The following ANKRD17 variants were observed in gnomAD, a reference collection of about 807,000 sequenced individuals.
ANKRD17 encodes the protein ankyrin repeat domain-containing protein 17.
In ANKRD17, 19 loss-of-function variants were observed where a neutral mutation model predicts 229.7. The ratio of observed to expected loss-of-function variants is 0.08; its 90% CI spans 0.06 to 0.12. The LOEUF is 0.12. ANKRD17 is among the 10% of genes least tolerant of loss of function. The pLI is 1.00. For synonymous variants in ANKRD17, 1,112 were observed against 1,146.1 expected, an observed-to-expected ratio of 0.97 and a Z score of 0.60; for missense variants, 2,176 against 3,176.8, an observed-to-expected ratio of 0.68 and a Z score of 7.57.
In ANKRD17 at chr4:73,162,046, TTC is replaced by T. The variant is rs539882538; in HGVS notation, c.548-700_548-699del. 1.2e-3 allele frequency among the ~76,000 whole-genome samples: 186 copies of T among 151,310 alleles called. 2 individuals carry two copies. The highest frequency in any genetic ancestry group is 4.1e-3 in the East Asian group (21 of 5,118). On this transcript the variant is annotated intron_variant, in intron 2 of 33. Transcript: ENST00000358602. ...TCACACCACCACACTAGGCTGATTT[TTC>T]TCTCTCTCTTTTTTTTTTTTTTTAG...
chr4:73,217,128 A>G (rs1741174004), intron 1 of ANKRD17, among the ~76,000 whole-genome samples: 1 of 152,198 alleles, frequency 6.6e-6, no homozygotes, highest in Admixed American at 6.5e-5. Flanking sequence ...TTTCTAATTA[A>G]TGCTCCATAA....
At position 73,076,300 on chromosome 4, in the gene ANKRD17, T is replaced by C. The variant is rs1415452598; in HGVS notation, c.7753-10A>G. The C allele has an allele frequency of 3.2e-6, 5 of 1,576,654 alleles. No homozygotes were observed. Among genetic ancestry groups the C allele is most frequent in the East Asian group, 4.6e-5 (2 of 43,048 alleles). ...AGGGTCCAGTCCACACCTATGAATATAGAGCATGCATTTTACAAAATATAT... is the reference window on the plus strand; with the variant it reads ...AGGGTCCAGTCCACACCTATGAATACAGAGCATGCATTTTACAAAATATAT... On this transcript the variant is annotated splice_polypyrimidine_tract_variant and intron_variant, in intron 33 of 33. Transcript: ENST00000358602.
chr4:73,138,355 A>G (rs765775493), intron 15 of ANKRD17, among the ~76,000 whole-genome samples: 6 of 152,128 alleles, frequency 3.9e-5, no homozygotes, highest in Non-Finnish European at 8.8e-5. Flanking sequence ...TCCACATGTT[A>G]TAACTACTGA....
intron 24 of ANKRD17, among the ~76,000 whole-genome samples, chr4:73,104,678 T>C (rs1724397736): frequency 6.6e-6 from 1 of 152,002 alleles, no homozygotes; most frequent in Non-Finnish European, 1.5e-5. Flanking sequence ...TCATCCATGA[T>C]GGGTTGTTCA....
chr4:73,104,452 G>C (rs1242631955), intron 24 of ANKRD17, among the ~76,000 whole-genome samples: 1 of 152,206 alleles, frequency 6.6e-6, no homozygotes, highest in African/African-American at 2.4e-5. Context: ...GTATAAGAGG[G>C]AGAGGAGGAG....
intron 1 of ANKRD17, among the ~76,000 whole-genome samples, chr4:73,185,720 C>T (rs751276340): frequency 9.9e-5 from 15 of 151,922 alleles, no homozygotes; most frequent in African/African-American, 2.2e-4. Context: ...AAATGACTTA[C>T]GGCTATCATT....
chr4:73,176,609 A>T (rs768069647), intron 2 of ANKRD17, among the ~76,000 whole-genome samples: 2 of 152,138 alleles, frequency 1.3e-5, no homozygotes, highest in African/African-American at 4.8e-5. Flanking sequence ...AGTATCAAAA[A>T]AAAAAAGTTA....
chr4:73,163,040 T>G (rs537845686), intron 2 of ANKRD17, among the ~76,000 whole-genome samples: 73 of 151,876 alleles, frequency 4.8e-4, no homozygotes, highest in African/African-American at 1.5e-3. Context: ...TTTTTTTTTT[T>G]TTTTTGTTAG....
intron 1 of ANKRD17, among the ~76,000 whole-genome samples, chr4:73,239,135 G>C (rs1328803033): frequency 6.6e-6 from 1 of 152,156 alleles, no homozygotes; most frequent in Non-Finnish European, 1.5e-5. Flanking sequence ...AGTCAACAGA[G>C]AGGGATATCC....
chr4:73,155,932 G>A (rs2148887948), intron 4 of ANKRD17, 87 bp downstream of exon 4: 1 of 1,499,908 alleles, frequency 6.7e-7, no homozygotes, highest in Non-Finnish European at 8.9e-7. Context: ...AATCCTAATG[G>A]TTGGAAGGAT....
At chr4:73,116,219 TG>T (rs1174684136) in intron 22 of ANKRD17, among the ~76,000 whole-genome samples, 1 of 133,922 alleles carries the variant, frequency 7.5e-6, no homozygotes, top group Non-Finnish European at 1.6e-5. Flanking sequence ...TGAAGGGTGG[TG>T]GGGGGTGGGG....
chr4:73,090,273 G>C (rs1050008317), intron 29 of ANKRD17, among the ~76,000 whole-genome samples: 1 of 152,102 alleles, frequency 6.6e-6, no homozygotes, highest in Non-Finnish European at 1.5e-5. Context: ...AGCCAGGCAT[G>C]GTGGTGCACG....
chr4:73,118,658 TC>T (rs768826740), intron 22 of ANKRD17, 29 bp downstream of exon 22: 1 of 1,611,074 alleles, frequency 6.2e-7, no homozygotes, highest in African/African-American at 1.3e-5. Context: ...TAAAAAAACA[TC>T]CAGGTAAATG....
At chr4:73,222,040 T>C (rs1018149141) in intron 1 of ANKRD17, among the ~76,000 whole-genome samples, 1 of 152,188 alleles carries the variant, frequency 6.6e-6, no homozygotes, top group Non-Finnish European at 1.5e-5. Context: ...TTCCTGAAGA[T>C]GTGAAATAGT....
At chr4:73,114,786 G>A (rs1230150967) in intron 23 of ANKRD17, among the ~76,000 whole-genome samples, 1 of 152,150 alleles carries the variant, frequency 6.6e-6, no homozygotes, top group Admixed American at 6.6e-5. Context: ...AAAACTTATA[G>A]GGAAAAGCTG....
chr4:73,245,848 G>A (rs1744450680), intron 1 of ANKRD17, among the ~76,000 whole-genome samples: 1 of 152,096 alleles, frequency 6.6e-6, no homozygotes. Flanking sequence ...TTTTGCTATA[G>A]TTATTGTTAC....
At position 73,077,567 on chromosome 4, in the gene ANKRD17, A is replaced by G. The variant is rs112461697; in HGVS notation, c.7409-34T>C. On this transcript the variant is annotated intron_variant, in intron 31 of 33. Transcript: ENST00000358602. The stretch of plus-strand genomic sequence containing the variant: ...AAACAAAGAGGCAAAACAAAAATAG[A>G]TAATATTTAAAATCAAAATCAAATA... The G allele has an allele frequency of 1.1e-3, 1,729 of 1,508,070 alleles. 37 individuals are homozygous for G. The South Asian group carries it at 0.018, about 16-fold the overall frequency. The allele number at this position is 1,508,070 out of a possible 1,614,324, so 93.4% of individuals were successfully genotyped here. A position where few individuals can be genotyped will look rare whatever the true frequency, so the allele number is the denominator to read the frequency against.
At chr4:73,217,217 A>G (rs140218907) in intron 1 of ANKRD17, among the ~76,000 whole-genome samples, 184 of 152,338 alleles carry the variant, frequency 1.2e-3, no homozygotes, top group African/African-American at 4.2e-3. Context: ...ACTTTCATAT[A>G]AGAGTAATAC....
intron 16 of ANKRD17, among the ~76,000 whole-genome samples, chr4:73,134,126 T>C (rs1728598075): frequency 6.6e-6 from 1 of 152,104 alleles, no homozygotes; most frequent in Non-Finnish European, 1.5e-5. Flanking sequence ...AGAAATAAAA[T>C]TCCTTTTTCA....
Sources: allele counts gnomAD v4.1 joint callset (sites outside exome capture counted in the v4.1 genomes callset), GRCh38; gene constraint gnomAD v4.1.1; transcripts MANE v1.5; gene names NCBI Gene and HGNC (gene_info 2026-07-23, HGNC 2026-07-21).